Variants in BLTP1 observed in about 807,000 individuals in gnomAD.
BLTP1 encodes bridge-like lipid transfer protein family member 1.
the BLTP1 span, among the ~76,000 whole-genome samples, chr4:122,323,487 A>C: frequency 6.6e-6 from 1 of 151,762 alleles, no homozygotes; most frequent in Non-Finnish European, 1.5e-5. Context: ...TGGTACCCCA[A>C]CACATGAAAA....
chr4:122,153,406 G>A, the BLTP1 span, among the ~76,000 whole-genome samples: 1 of 152,054 alleles, frequency 6.6e-6, no homozygotes, highest in Non-Finnish European at 1.5e-5. Context: ...TAACTATTGA[G>A]TGGTACATAT....
the BLTP1 span, chr4:122,308,098 C>G: frequency 4.3e-6 from 7 of 1,613,448 alleles, no homozygotes; most frequent in Admixed American, 1.7e-5. Context: ...CTTTGGGACT[C>G]TTTTTCTCCA....
the BLTP1 span, chr4:122,346,857 G>T: frequency 6.6e-7 from 1 of 1,520,784 alleles, no homozygotes; most frequent in Non-Finnish European, 8.8e-7. Context: ...TGTACCATGT[G>T]ATGCGTTCAG....
At chr4:122,293,680 A>G in the BLTP1 span, among the ~76,000 whole-genome samples, 7,582 of 152,090 alleles carry the variant, frequency 0.05, 270 homozygotes, top group Non-Finnish European at 0.075. Flanking sequence ...AAATCCATCC[A>G]TGCATTCCCC....
At chr4:122,307,501 T>C in the BLTP1 span, 1 of 985,236 alleles carries the variant, frequency 1.0e-6, no homozygotes, top group Non-Finnish European at 1.2e-6. Context: ...TGTTTCTGTT[T>C]AACAAACTCA....
chr4:122,161,715 A>G, the BLTP1 span, among the ~76,000 whole-genome samples: 11 of 152,198 alleles, frequency 7.2e-5, no homozygotes, highest in African/African-American at 2.6e-4. Context: ...GTGAGCCACA[A>G]CACTCAACCA....
the BLTP1 span, chr4:122,200,511 C>T: frequency 3.4e-4 from 290 of 850,434 alleles, 2 homozygotes; most frequent in African/African-American, 5.2e-3. Flanking sequence ...AGCTGGGAGG[C>T]GGAGGTTGCA....
chr4:122,226,628 A>T, the BLTP1 span: 1 of 1,579,668 alleles, frequency 6.3e-7, no homozygotes, highest in Non-Finnish European at 8.5e-7. Context: ...CTACGTTAAC[A>T]TTCTTCAGAA....
the BLTP1 span, chr4:122,280,110 G>A: frequency 0.012 from 18,312 of 1,525,332 alleles, 332 homozygotes; most frequent in African/African-American, 0.08. Flanking sequence ...GGACAGTGGA[G>A]CAAGAGGAGA....
the BLTP1 span, chr4:122,346,523 A>C: frequency 1.0e-4 from 150 of 1,459,026 alleles, no homozygotes; most frequent in Middle Eastern, 2.5e-4. Flanking sequence ...TATGTAACTT[A>C]AGTATAATTC....
the BLTP1 span, chr4:122,212,127 A>G: frequency 1.1e-6 from 1 of 937,662 alleles, no homozygotes. Context: ...AAGGTTTGTT[A>G]GTAAAGGCTC....
At chr4:122,269,273 G>T in the BLTP1 span, among the ~76,000 whole-genome samples, 1 of 151,384 alleles carries the variant, frequency 6.6e-6, no homozygotes, top group Non-Finnish European at 1.5e-5. Context: ...TGTATATAGA[G>T]ATATAGATTA....
chr4:122,347,430 T>C, the BLTP1 span: 1 of 1,467,622 alleles, frequency 6.8e-7, no homozygotes, highest in South Asian at 1.4e-5. Flanking sequence ...GTAATGTGAT[T>C]AGAAATGATG....
chr4:122,162,738 A>C, the BLTP1 span: 7,412 of 806,658 alleles, frequency 9.2e-3, 77 homozygotes, highest in South Asian at 0.031. Flanking sequence ...ACAACAACAA[A>C]AAAAAAACTG....
At chr4:122,350,285 C>T in the BLTP1 span, 2 of 985,378 alleles carry the variant, frequency 2.0e-6, no homozygotes, top group Non-Finnish European at 2.4e-6. Context: ...TCTCTTCCCC[C>T]TGCTGCAGTG....
At chr4:122,353,642 A>T in the BLTP1 span, 1 of 374,010 alleles carries the variant, frequency 2.7e-6, no homozygotes. The surrounding 1 kb of genome is among the most constrained non-coding windows in gnomAD (Gnocchi z 4.3). Context: ...AAATCCAATT[A>T]CCACTAATAG....
the BLTP1 span, among the ~76,000 whole-genome samples, chr4:122,313,209 G>C: frequency 1.2e-4 from 19 of 152,058 alleles, no homozygotes; most frequent in Non-Finnish European, 2.8e-4. Context: ...TAATGTGGCA[G>C]CTCTTAGTTA....
chr4:122,325,212 C>T, the BLTP1 span: 1 of 1,581,870 alleles, frequency 6.3e-7, no homozygotes, highest in Non-Finnish European at 8.6e-7. Context: ...TGTTTTATAA[C>T]TTTATATTTA....
the BLTP1 span, chr4:122,353,287 G>A: frequency 7.1e-7 from 1 of 1,417,770 alleles, no homozygotes; most frequent in South Asian, 1.5e-5. The surrounding 1 kb of genome is among the most constrained non-coding windows in gnomAD (Gnocchi z 4.3). Context: ...CTACCAATAA[G>A]TCAATATTTA....
Sources: gnomAD v4.1 joint callset for allele counts (sites outside exome capture counted in the v4.1 genomes callset) on GRCh38, gnomAD v4.1.1 for gene constraint, Gnocchi (gnomAD v3.1) non-coding constraint, MANE v1.5 for transcripts, NCBI Gene and HGNC (gene_info 2026-07-23, HGNC 2026-07-21) for gene names.